Variants in MOV10 observed in about 807,000 individuals in gnomAD.
The protein encoded by MOV10 is RNA helicase MOV-10.
In MOV10, 39 loss-of-function variants were observed where a neutral mutation model predicts 108.4. The observed-to-expected ratio is 0.36, with a 90% CI of 0.28 to 0.47. MOV10 has a LOEUF of 0.47. Among genes scored for constraint, MOV10 ranks in the 20% least tolerant of loss-of-function variants. MOV10 has a pLI of 1.00. For synonymous variants in MOV10, 490 were observed against 523.1 expected, an observed-to-expected ratio of 0.94 and a Z score of 0.86; for missense variants, 952 against 1,297.6, an observed-to-expected ratio of 0.73 and a Z score of 4.09.
At chr1:112,693,086 A>G (rs1361678920) in intron 7 of MOV10, among the ~76,000 whole-genome samples, 157 bp downstream of exon 7, 5 of 152,116 alleles carry the variant, frequency 3.3e-5, no homozygotes, top group Non-Finnish European at 7.4e-5. Flanking sequence ...GTGCCCAAAG[A>G]TGTGTTGGAG....
rs1261144526 is a variant in MOV10, at chr1:112,674,934, C to T, written c.22C>T (p.Arg8Trp). 6.3e-7 allele frequency: 1 copy of T among 1,583,438 alleles called. No individual in the cohort carries two copies. Residue 8 changes from arginine to tryptophan, a missense_variant, in exon 2 of 21, where the codon CGG (arginine) becomes TGG (tryptophan). By Grantham distance (101) the Arg-to-Trp change is moderately radical. Transcript: ENST00000369645. The stretch of plus-strand genomic sequence containing the variant: ...CGCGATGCCCAGTAAGTTCAGCTGC[C>T]GGCAGCTCCGGGAGGCGGGCCAGTG... MPSKFSC[R>W]QLREAGQCFE... is the part of the protein sequence containing the mutation.
chr1:112,697,834 C>CA (rs1674248611), intron 14 of MOV10, 160 bp from the exon 15 acceptor site: 1 of 671,868 alleles, frequency 1.5e-6, no homozygotes, highest in African/African-American at 1.8e-5. Flanking sequence ...CTGTGGTTTA[C>CA]AGTGCCTGGC....
intron 2 of MOV10, among the ~76,000 whole-genome samples, chr1:112,684,502 A>T (rs1054375605): frequency 4.6e-5 from 7 of 152,048 alleles, no homozygotes; most frequent in African/African-American, 1.7e-4. Context: ...TCCCGACCTC[A>T]GGTGATCCGC....
intron 2 of MOV10, among the ~76,000 whole-genome samples, chr1:112,678,875 C>A (rs1672409750): frequency 6.6e-6 from 1 of 151,930 alleles, no homozygotes; most frequent in Non-Finnish European, 1.5e-5. Flanking sequence ...GGTGGTTGGA[C>A]CTCTACCCAC....
chr1:112,677,891 G>A (rs1672319759), intron 2 of MOV10, among the ~76,000 whole-genome samples: 1 of 152,074 alleles, frequency 6.6e-6, no homozygotes, highest in South Asian at 2.1e-4. Context: ...CTGAACTCTT[G>A]CCTTTTCCCA....
chr1:112,695,310 G>T, intron 10 of MOV10, 106 bp from the exon 11 acceptor site: 1 of 1,171,112 alleles, frequency 8.5e-7, no homozygotes, highest in Non-Finnish European at 1.2e-6. Context: ...CATGAATCTT[G>T]GAGTCACCAT....
rs1432645012 is a variant in MOV10 at position 112,699,803 on chromosome 1, A to T, written c.2702A>T (p.Asn901Ile). The T allele has an allele frequency of 6.2e-7, 1 of 1,613,834 alleles. No homozygotes were observed. The highest frequency in any genetic ancestry group is 1.3e-5 in the African/African-American group (1 of 74,830). The change falls in exon 18 of 21, where the codon AAC (asparagine) becomes ATC (isoleucine). Residue 901 changes from asparagine to isoleucine, a missense_variant. Transcript: ENST00000369645. ...GACTTTAATCTGGGTTTCCTTAAGA[A>T]CCCCAAGGTTTGAGGGCTGGTCGGG... is the stretch of plus-strand genomic sequence containing the variant. ...DLDFNLGFLK[N>I]PKRFNVAVTR...
At chr1:112,677,419 C>G (rs72984598) in intron 2 of MOV10, among the ~76,000 whole-genome samples, 2,678 of 152,116 alleles carry the variant, frequency 0.018, 77 homozygotes, top group East Asian at 0.093. Flanking sequence ...CCTTTAAAGC[C>G]AGGCTGGAAT....
At chr1:112,680,914 G>A (rs1018799269) in intron 2 of MOV10, among the ~76,000 whole-genome samples, 3 of 151,490 alleles carry the variant, frequency 2.0e-5, no homozygotes, top group African/African-American at 7.3e-5. Flanking sequence ...TATTGGTCAG[G>A]CTGGTCTTGA....
chr1:112,691,345 A>G (rs1673566891), intron 5 of MOV10, among the ~76,000 whole-genome samples: 1 of 152,178 alleles, frequency 6.6e-6, no homozygotes. Flanking sequence ...TTTGTTGACT[A>G]TATATGTATA....
chr1:112,696,106 G>A, intron 11 of MOV10, 42 bp from the exon 12 acceptor site: 3 of 1,378,690 alleles, frequency 2.2e-6, no homozygotes, highest in South Asian at 1.2e-5. Context: ...GTGGGAATGA[G>A]TGGAGCCAAG....
Position 112,698,074 on chromosome 1 carries a change from G to A in MOV10, c.2279G>A (p.Arg760Gln), listed in dbSNP as rs1674269982. The change falls in exon 15 of 21, where the codon CGA (arginine) becomes CAA (glutamine). Residue 760 changes from arginine (R) to glutamine (Q), a missense_variant. Physicochemically the swap from Arg to Gln is conservative, Grantham distance 43. Transcript: ENST00000369645. ...CAGGCCTGTGCTGATGTCGTGGATC[G>A]AGAACGCTTCTGCCGCTGGGCGGGC... is the stretch of plus-strand genomic sequence containing the variant. ...ELQACADVVD[R>Q]ERFCRWAGLP... 8.1e-6 allele frequency: 13 copies of A among 1,614,174 alleles called. No individual in the cohort carries two copies. The highest frequency in any genetic ancestry group is 9.3e-6 in the Non-Finnish European group (11 of 1,180,036).
rs763212164 is a variant in MOV10, at chr1:112,693,975, T to C, written c.1141-43T>C. The stretch of plus-strand genomic sequence containing the variant: ...AACCTGGGGGCTGGGCCCTCCAGCG[T>C]CCATCCCTGGGACAGAAGCTTGCTT... On this transcript the variant is annotated intron_variant, in intron 7 of 20. Transcript: ENST00000369645. 5.6e-6 allele frequency: 9 copies of C among 1,606,446 alleles called. No homozygotes were observed. The South Asian group carries it at 9.9e-5, about 18-fold the overall frequency.
chr1:112,689,161 G>A (rs1231347176), intron 3 of MOV10, 23 bp downstream of exon 3: 2 of 1,571,764 alleles, frequency 1.3e-6, no homozygotes, highest in Non-Finnish European at 8.6e-7. Context: ...TGTATGTTGT[G>A]TGTACGGGGA....
rs1273300931 is a variant in MOV10, at chr1:112,696,486, G to A, written c.1933G>A (p.Asp645Asn). Residue 645 changes from aspartate (D) to asparagine (N), a missense_variant, in exon 13 of 21, where the codon GAT (aspartate) becomes AAT (asparagine). Transcript: ENST00000369645. ...PIDHFTHIFI[D>N]EAGHCMEPES... ...TGATCACTTCACACACATCTTCATC[G>A]ATGAGGCTGGCCACTGCATGGAGCC... 3.7e-6 allele frequency: 6 copies of A among 1,614,004 alleles called. No individual in the cohort carries two copies. The highest frequency in any genetic ancestry group is 2.2e-5 in the East Asian group (1 of 44,896).
chr1:112,680,605 G>A (rs1455353366), intron 2 of MOV10, among the ~76,000 whole-genome samples: 1 of 126,910 alleles, frequency 7.9e-6, no homozygotes, highest in South Asian at 2.8e-4. Context: ...GCAGTGAGCC[G>A]AGATTGTACC....
intron 2 of MOV10, among the ~76,000 whole-genome samples, chr1:112,684,510 C>T (rs891715591): frequency 2.6e-5 from 4 of 152,034 alleles, no homozygotes; most frequent in East Asian, 1.9e-4. Flanking sequence ...TCAGGTGATC[C>T]GCCCGCCTCA....
chr1:112,696,135 T>C lies in MOV10; in HGVS notation c.1780-13T>C, dbSNP rs1249570320. ...AGCCAAGCTGATTCCTCTGGTCCCT[T>C]CACAATCCACAGCCCTGCTGCAACT... is the stretch of plus-strand genomic sequence containing the variant. On this transcript the variant is annotated splice_polypyrimidine_tract_variant and intron_variant, in intron 11 of 20. Coordinates refer to ENST00000369645, the MANE Select transcript of MOV10 (RefSeq NM_001321324.2). 2 of 1,598,610 alleles carry C rather than the reference T, an allele frequency of 1.3e-6. No homozygotes were observed. Among genetic ancestry groups the C allele is most frequent in the Admixed American group, 1.7e-5 (1 of 59,184 alleles).
chr1:112,694,719 T>G lies in MOV10; in HGVS notation c.1473-30T>G, dbSNP rs1374415292. On this transcript the variant is annotated intron_variant, in intron 9 of 20. Coordinates refer to ENST00000369645, the MANE Select transcript of MOV10 (RefSeq NM_001321324.2). The surrounding 1 kb of genome is among the most constrained non-coding windows in gnomAD (Gnocchi z 4.1). Reference sequence around the variant, plus strand: ...GAGGCCTCTGGGTCACTGGATGACTTCAAGTTCACATTCCTGGTCCCTCTG... The same window carrying G: ...GAGGCCTCTGGGTCACTGGATGACTGCAAGTTCACATTCCTGGTCCCTCTG... 6.2e-7 allele frequency: 1 copy of G among 1,609,400 alleles called. No homozygotes were observed. Among genetic ancestry groups the G allele is most frequent in the Non-Finnish European group, 8.5e-7 (1 of 1,176,720 alleles).
Sources: allele counts gnomAD v4.1 joint callset (sites outside exome capture counted in the v4.1 genomes callset), GRCh38; gene constraint gnomAD v4.1.1; non-coding constraint Gnocchi (gnomAD v3.1); transcripts MANE v1.5; gene names NCBI Gene and HGNC (gene_info 2026-07-23, HGNC 2026-07-21).